PPARGC1A: variants seen among roughly 807,000 people sequenced by gnomAD.
The protein encoded by PPARGC1A is peroxisome proliferator-activated receptor gamma coactivator 1-alpha.
In PPARGC1A, 25 loss-of-function variants were observed where a neutral mutation model predicts 88.7. The ratio of observed to expected loss-of-function variants is 0.28; its 90% CI spans 0.21 to 0.39. The LOEUF is 0.39. PPARGC1A is among the 10% of genes least tolerant of loss of function. The pLI, the probability that PPARGC1A is intolerant of heterozygous loss-of-function variation, is 1.00. For missense variants in PPARGC1A, 880 were observed against 968.7 expected, an observed-to-expected ratio of 0.91 and a Z score of 1.22; for synonymous variants, 363 against 355.6, an observed-to-expected ratio of 1.02 and a Z score of -0.24.
the PPARGC1A span, among the ~76,000 whole-genome samples, chr4:23,937,241 T>C: frequency 6.6e-6 from 1 of 152,056 alleles, no homozygotes; most frequent in South Asian, 2.1e-4. Context: ...GTTTTACAAG[T>C]GAAATCTGCC....
At chr4:24,222,048 G>A in the PPARGC1A span, among the ~76,000 whole-genome samples, 3 of 152,190 alleles carry the variant, frequency 2.0e-5, no homozygotes, top group Admixed American at 6.5e-5. Context: ...AAGGGTACAA[G>A]AGAAGCATGT....
At chr4:24,212,490 A>G in the PPARGC1A span, among the ~76,000 whole-genome samples, 1 of 152,112 alleles carries the variant, frequency 6.6e-6, no homozygotes, top group Non-Finnish European at 1.5e-5. Flanking sequence ...ATAATTTTCT[A>G]TTTTCCAAAG....
At chr4:24,429,291 A>G in the PPARGC1A span, among the ~76,000 whole-genome samples, 1 of 152,004 alleles carries the variant, frequency 6.6e-6, no homozygotes, top group Non-Finnish European at 1.5e-5. Context: ...ACACACACAC[A>G]CTCACACAGT....
At chr4:23,860,590 T>C (rs1336950035) in intron 2 of PPARGC1A, among the ~76,000 whole-genome samples, 2 of 152,172 alleles carry the variant, frequency 1.3e-5, no homozygotes, top group Non-Finnish European at 2.9e-5. Flanking sequence ...CAGTAACAAA[T>C]AATGCTATTT....
At chr4:24,353,545 T>C in the PPARGC1A span, among the ~76,000 whole-genome samples, 1 of 152,196 alleles carries the variant, frequency 6.6e-6, no homozygotes, top group Non-Finnish European at 1.5e-5. Context: ...TCCTAAGCCT[T>C]GCTAAGAAGG....
At chr4:23,988,785 C>A in the PPARGC1A span, among the ~76,000 whole-genome samples, 1 of 149,914 alleles carries the variant, frequency 6.7e-6, no homozygotes, top group African/African-American at 2.4e-5. Context: ...TCTATGCACA[C>A]TTAGAGGTCA....
At chr4:23,926,436 T>C in the PPARGC1A span, among the ~76,000 whole-genome samples, 1 of 152,194 alleles carries the variant, frequency 6.6e-6, no homozygotes, top group Admixed American at 6.5e-5. Flanking sequence ...CCATGATGAA[T>C]GTCCTAGTTC....
the PPARGC1A span, among the ~76,000 whole-genome samples, chr4:24,163,250 G>A: frequency 6.7e-6 from 1 of 149,480 alleles, no homozygotes; most frequent in African/African-American, 2.5e-5. Context: ...ACTTCCAAAA[G>A]TAAGAGAGTT....
upstream of PPARGC1A, among the ~76,000 whole-genome samples, chr4:23,902,253 T>C (rs950708691): frequency 6.6e-6 from 1 of 152,204 alleles, no homozygotes; most frequent in Admixed American, 6.5e-5. Context: ...TACAAAACTT[T>C]AAAGTTTTGC....
the PPARGC1A span, among the ~76,000 whole-genome samples, chr4:24,439,094 G>A: frequency 2.0e-5 from 3 of 151,892 alleles, no homozygotes; most frequent in African/African-American, 4.8e-5. Flanking sequence ...ACAGCTTTGC[G>A]ACCCCCTGGG....
the PPARGC1A span, among the ~76,000 whole-genome samples, chr4:24,000,040 A>T: frequency 1.3e-5 from 2 of 151,964 alleles, no homozygotes; most frequent in Non-Finnish European, 2.9e-5. Context: ...TAGGTTTCAA[A>T]TCTTTCCTTC....
chr4:23,980,185 C>CAAAAAAA, the PPARGC1A span, among the ~76,000 whole-genome samples: 3 of 89,512 alleles, frequency 3.4e-5, no homozygotes, highest in African/African-American at 1.3e-4. Flanking sequence ...TCCCAGCCAG[C>CAAAAAAA]AAAAAAAAAA....
chr4:23,873,241 C>A (rs1390103535), intron 2 of PPARGC1A, among the ~76,000 whole-genome samples: 2 of 142,488 alleles, frequency 1.4e-5, no homozygotes, highest in African/African-American at 5.0e-5. Flanking sequence ...AAAAATGTGA[C>A]CAGCCATATC....
At chr4:24,014,911 T>C in the PPARGC1A span, among the ~76,000 whole-genome samples, 1 of 152,186 alleles carries the variant, frequency 6.6e-6, no homozygotes. Context: ...TCCCATCATA[T>C]TGACATATTT....
the PPARGC1A span, among the ~76,000 whole-genome samples, chr4:24,323,362 T>C: frequency 2.0e-5 from 3 of 152,206 alleles, no homozygotes; most frequent in East Asian, 5.8e-4. Context: ...CTGAAGTAAC[T>C]GAAGAATCAC....
the PPARGC1A span, among the ~76,000 whole-genome samples, chr4:24,065,379 T>A: frequency 1.3e-5 from 2 of 152,112 alleles, no homozygotes; most frequent in Non-Finnish European, 2.9e-5. Context: ...GACATAATGA[T>A]CGTTAGGGGA....
chr4:24,043,420 G>A, the PPARGC1A span, among the ~76,000 whole-genome samples: 8 of 152,070 alleles, frequency 5.3e-5, no homozygotes, highest in East Asian at 1.9e-4. Flanking sequence ...GTCTGGCACC[G>A]GCTTTACTGT....
At chr4:24,294,346 C>G in the PPARGC1A span, among the ~76,000 whole-genome samples, 16 of 152,034 alleles carry the variant, frequency 1.1e-4, no homozygotes, top group Non-Finnish European at 1.0e-4. Flanking sequence ...CAGGTAATGT[C>G]TTTAAAATGT....
At chr4:24,368,408 C>T in the PPARGC1A span, among the ~76,000 whole-genome samples, 10 of 152,246 alleles carry the variant, frequency 6.6e-5, no homozygotes, top group Middle Eastern at 6.8e-3. Flanking sequence ...TGGTAACCTG[C>T]ATGCAAATTT....
Sources: allele counts gnomAD v4.1 joint callset (sites outside exome capture counted in the v4.1 genomes callset), GRCh38; gene constraint gnomAD v4.1.1; transcripts MANE v1.5; gene names NCBI Gene and HGNC (gene_info 2026-07-23, HGNC 2026-07-21).